The following ZPBP variants were observed in gnomAD, a reference collection of about 807,000 sequenced individuals.
ZPBP encodes zona pellucida-binding protein 1.
ZPBP carries 26 observed loss-of-function variants against 44.8 expected under a neutral mutation model. That is an observed-to-expected ratio of 0.58 (90% CI 0.43 to 0.81). The LOEUF is 0.81. Ranked by LOEUF, ZPBP falls within the 30% of genes least tolerant of loss-of-function variation. ZPBP has a pLI of 0.00. For synonymous variants in ZPBP, 174 were observed against 153.2 expected (o/e 1.14, Z -1.00); for missense variants, 409 against 434.0 (o/e 0.94, Z 0.51).
intron 2 of ZPBP, among the ~76,000 whole-genome samples, chr7:49,881,450 A>T (rs2128727236): frequency 6.6e-6 from 1 of 152,294 alleles, no homozygotes; most frequent in African/African-American, 2.4e-5. Flanking sequence ...GAGAGCACTA[A>T]TTGTGCCTAA....
At chr7:49,952,078 G>A (rs1473743668) in intron 7 of ZPBP, among the ~76,000 whole-genome samples, 3 of 151,850 alleles carry the variant, frequency 2.0e-5, no homozygotes, top group Non-Finnish European at 2.9e-5. Context: ...CATGAATGAG[G>A]CGTAACTTTT....
rs891359671 is a variant in ZPBP, at chr7:49,881,757, T to C, written n.509+19361A>G. Among the ~76,000 whole-genome samples, 7 of 152,156 alleles carry C rather than the reference T, an allele frequency of 4.6e-5. No individual in the cohort carries two copies. The East Asian group carries it at 1.3e-3, about 29-fold the overall frequency. ...TTTGATAGGCAATTCATCTCTTTAA[T>C]TCATCTCTTTTAAAATATAGATTGA... On this transcript the variant is annotated intron_variant and non_coding_transcript_variant, in intron 2 of 2. Transcript: ENST00000465922.
chr7:50,072,979 A>G (rs1801921483), intron 3 of ZPBP, among the ~76,000 whole-genome samples: 1 of 152,146 alleles, frequency 6.6e-6, no homozygotes, highest in Non-Finnish European at 1.5e-5. Context: ...GACTACAATG[A>G]ATACTTAGCT....
At chr7:50,038,142 C>A (rs1459392079) in intron 4 of ZPBP, among the ~76,000 whole-genome samples, 1 of 152,152 alleles carries the variant, frequency 6.6e-6, no homozygotes, top group African/African-American at 2.4e-5. Flanking sequence ...ACATCAAATG[C>A]TCAGCTCCTA....
chr7:49,842,478 A>AAATGAGAT, the ZPBP span, among the ~76,000 whole-genome samples: 5 of 152,222 alleles, frequency 3.3e-5, no homozygotes, highest in African/African-American at 1.2e-4. Context: ...ACAGGAGAGT[A>AAATGAGAT]AATGAGATTA....
chr7:49,847,439 C>T (rs1267579734), downstream of ZPBP, among the ~76,000 whole-genome samples: 1 of 152,028 alleles, frequency 6.6e-6, no homozygotes, highest in Non-Finnish European at 1.5e-5. Context: ...TTGCAGGGAT[C>T]CCTGACCATT....
intron 5 of ZPBP, among the ~76,000 whole-genome samples, chr7:50,030,627 A>C (rs1303732453): frequency 6.6e-6 from 1 of 152,138 alleles, no homozygotes; most frequent in Non-Finnish European, 1.5e-5. Flanking sequence ...CTAAGTGGTC[A>C]TTCATAAACC....
intron 7 of ZPBP, among the ~76,000 whole-genome samples, chr7:49,958,994 G>A (rs1306192483): frequency 2.0e-5 from 3 of 152,048 alleles, no homozygotes; most frequent in African/African-American, 7.2e-5. Context: ...TGACCACATA[G>A]GTTTTTATCC....
intron 6 of ZPBP, among the ~76,000 whole-genome samples, chr7:49,997,921 T>TATTC (rs1420059036): frequency 9.9e-5 from 15 of 151,928 alleles, no homozygotes; most frequent in South Asian, 2.1e-4. Context: ...TTTATTTATT[T>TATTC]ATTCATTTAT....
chr7:50,043,867 CTT>C (rs1164812844), intron 4 of ZPBP, among the ~76,000 whole-genome samples: 7 of 152,130 alleles, frequency 4.6e-5, no homozygotes, highest in Non-Finnish European at 8.8e-5. Flanking sequence ...AATATACATC[CTT>C]CTCAGCACAT....
chr7:50,015,439 T>G (rs1371360267), intron 6 of ZPBP, among the ~76,000 whole-genome samples: 1 of 152,046 alleles, frequency 6.6e-6, no homozygotes, highest in African/African-American at 2.4e-5. Context: ...ATTAAAGATT[T>G]AAACTATTAA....
At chr7:49,912,008 G>A (rs1267886290) in intron 1 of ZPBP, 4 of 1,600,864 alleles carry the variant, frequency 2.5e-6, no homozygotes, top group Non-Finnish European at 3.4e-6. Context: ...CACACATATA[G>A]TATAAAACAT....
intron 7 of ZPBP, among the ~76,000 whole-genome samples, chr7:49,963,407 T>C (rs1435888136): frequency 6.6e-6 from 1 of 151,816 alleles, no homozygotes. Context: ...ATGGAAACCA[T>C]ATAACCATAT....
intron 2 of ZPBP, among the ~76,000 whole-genome samples, chr7:49,883,325 C>T (rs1296988275): frequency 4.0e-5 from 6 of 151,768 alleles, no homozygotes; most frequent in Non-Finnish European, 7.4e-5. Flanking sequence ...TAGCAAGCTG[C>T]AATATTGACT....
intron 6 of ZPBP, among the ~76,000 whole-genome samples, chr7:50,005,036 T>TA (rs1562838957): frequency 8.6e-5 from 7 of 81,428 alleles, no homozygotes; most frequent in Non-Finnish European, 1.4e-4. Context: ...CTGAATCATT[T>TA]TAAAAAAAAA....
chr7:49,962,200 G>A (rs979237590), intron 7 of ZPBP, among the ~76,000 whole-genome samples: 3 of 151,532 alleles, frequency 2.0e-5, no homozygotes, highest in South Asian at 4.2e-4. Context: ...ACAAGAGAAG[G>A]GAACTACAGA....
intron 4 of ZPBP, among the ~76,000 whole-genome samples, chr7:50,052,854 A>G (rs779679972): frequency 5.9e-4 from 90 of 152,238 alleles, no homozygotes; most frequent in Admixed American, 1.2e-3. Flanking sequence ...ATTATGTACT[A>G]TAGCACTGTA....
At chr7:49,944,292 T>C (rs1795008509) in intron 7 of ZPBP, 2 of 304,768 alleles carry the variant, frequency 6.6e-6, no homozygotes, top group Admixed American at 3.8e-5. Flanking sequence ...CAGCTGTTCT[T>C]GTATTTCTTT....
intron 6 of ZPBP, 27 bp from the exon 7 acceptor site, chr7:49,983,546 CTGTT>C (rs1797122824): frequency 4.3e-6 from 6 of 1,407,164 alleles, no homozygotes; most frequent in Admixed American, 2.0e-5. Context: ...ATTTGATAAA[CTGTT>C]AGCCATAAAA....
Sources: allele counts gnomAD v4.1 joint callset (sites outside exome capture counted in the v4.1 genomes callset), GRCh38; gene constraint gnomAD v4.1.1; transcripts MANE v1.5; gene names NCBI Gene and HGNC (gene_info 2026-07-23, HGNC 2026-07-21).